The following SHC4 variants were observed in gnomAD, a reference collection of about 807,000 sequenced individuals.
SHC4 encodes SHC adaptor protein 4.
In SHC4, 41 loss-of-function variants were observed where a neutral mutation model predicts 69.4. The ratio of observed to expected loss-of-function variants is 0.59; its 90% CI spans 0.46 to 0.77. The LOEUF (loss-of-function observed/expected upper bound fraction) is 0.77, where lower values mean the gene tolerates loss of function less well. Among genes scored for constraint, SHC4 ranks in the 30% least tolerant of loss-of-function variants. The pLI is 0.00. For synonymous variants in SHC4, 318 were observed against 299.3 expected (o/e 1.06, Z -0.64); for missense variants, 777 against 783.8 (o/e 0.99, Z 0.10).
At chr15:48,959,056 TGAAGAACC>T (rs1048098344) in intron 1 of SHC4, among the ~76,000 whole-genome samples, 104 of 152,264 alleles carry the variant, frequency 6.8e-4, no homozygotes, top group African/African-American at 2.5e-3. Flanking sequence ...TAAGACCAAA[TGAAGAACC>T]ATTTTTTAAA....
rs79060088 is a variant in SHC4 at position 48,846,647 on chromosome 15, G to A, written c.1304-3059C>T. ...TCCCCCTTGAGACTGCAAATTCCTCGTGTCCTTGAGGAAAGACTAGAACGC... is the reference window on the plus strand; with the variant it reads ...TCCCCCTTGAGACTGCAAATTCCTCATGTCCTTGAGGAAAGACTAGAACGC... On this transcript the variant is annotated intron_variant, in intron 9 of 11. Coordinates refer to ENST00000332408, the MANE Select transcript of SHC4 (RefSeq NM_203349.4). Among the ~76,000 whole-genome samples, 1,121 of 152,210 alleles carry A rather than the reference G, an allele frequency of 7.4e-3. 17 individuals carry two copies. The highest frequency in any genetic ancestry group is 0.026 in the African/African-American group (1,073 of 41,516).
intron 1 of SHC4, among the ~76,000 whole-genome samples, chr15:48,935,034 A>T (rs778385351): frequency 1.1e-4 from 16 of 152,126 alleles, no homozygotes; most frequent in Non-Finnish European, 1.9e-4. Flanking sequence ...ATATTAAAAA[A>T]CCATTGAATT....
intron 1 of SHC4, among the ~76,000 whole-genome samples, chr15:48,933,820 G>T (rs1901017034): frequency 6.6e-6 from 1 of 152,092 alleles, no homozygotes; most frequent in Non-Finnish European, 1.5e-5. Flanking sequence ...ATTGAATTTT[G>T]ACAAAGGTGA....
intron 1 of SHC4, among the ~76,000 whole-genome samples, chr15:48,953,780 G>C (rs561013888): frequency 7.7e-4 from 118 of 152,322 alleles, no homozygotes; most frequent in South Asian, 2.5e-3. Flanking sequence ...GGTTAAGGTA[G>C]AATCTGTCCT....
rs1188244542 is a variant in SHC4, at chr15:48,951,199, CCTTGA to C, written c.585+11227_585+11231del. On this transcript the variant is annotated intron_variant, in intron 1 of 11. Coordinates refer to ENST00000332408, the MANE Select transcript of SHC4 (RefSeq NM_203349.4). ...TTCCACCTGGATGCTTTCGGGGTCA[CCTTGA>C]ACACAGCAGGTGTACAATGGGACTC... Among the ~76,000 whole-genome samples the C allele has an allele frequency of 2.6e-5, 4 of 152,086 alleles. No individual in the cohort carries two copies. The East Asian group carries it at 7.7e-4, about 29-fold the overall frequency.
At chr15:48,915,551 G>A (rs1227017102) in intron 2 of SHC4, among the ~76,000 whole-genome samples, 2 of 152,184 alleles carry the variant, frequency 1.3e-5, no homozygotes, top group Admixed American at 1.3e-4. Context: ...CTGCACGTGT[G>A]TGAAAGGAAA....
chr15:48,889,472 T>C (rs1404090123), intron 3 of SHC4, among the ~76,000 whole-genome samples: 1 of 152,210 alleles, frequency 6.6e-6, no homozygotes, highest in African/African-American at 2.4e-5. Flanking sequence ...TCCTAGTGAC[T>C]CAGGCAAATA....
chr15:48,921,078 G>A (rs530010606), intron 2 of SHC4, among the ~76,000 whole-genome samples: 3 of 152,282 alleles, frequency 2.0e-5, no homozygotes, highest in South Asian at 2.1e-4. Flanking sequence ...ACTGATGGAT[G>A]AATAGACAAA....
At chr15:48,894,864 C>G (rs769219728) in intron 2 of SHC4, among the ~76,000 whole-genome samples, 1 of 152,110 alleles carries the variant, frequency 6.6e-6, no homozygotes, top group Non-Finnish European at 1.5e-5. Flanking sequence ...TAGCTCAATG[C>G]AGCCTCAACC....
chr15:48,921,712 G>T (rs552342508), intron 2 of SHC4, among the ~76,000 whole-genome samples: 1 of 152,322 alleles, frequency 6.6e-6, no homozygotes, highest in East Asian at 1.9e-4. Flanking sequence ...TCTGCAGATG[G>T]ATGGTGACGA....
intron 9 of SHC4, among the ~76,000 whole-genome samples, chr15:48,847,022 C>CT (rs373671986): frequency 0.015 from 2,156 of 145,350 alleles, 33 homozygotes; most frequent in Middle Eastern, 0.029. Flanking sequence ...CTGCCATCCC[C>CT]TTTTTTTTTT....
intron 4 of SHC4, among the ~76,000 whole-genome samples, 171 bp from the exon 5 acceptor site, chr15:48,872,313 G>A (rs1473587809): frequency 6.6e-6 from 1 of 152,194 alleles, no homozygotes; most frequent in Non-Finnish European, 1.5e-5. Flanking sequence ...ACGAGATTCT[G>A]ATGATTTTGT....
intron 2 of SHC4, among the ~76,000 whole-genome samples, chr15:48,897,322 G>T (rs969172929): frequency 5.3e-5 from 8 of 152,152 alleles, no homozygotes; most frequent in Admixed American, 2.6e-4. Context: ...TTGCTTTTAA[G>T]CATATAAAAC....
intron 8 of SHC4, among the ~76,000 whole-genome samples, chr15:48,853,849 C>G (rs149326856): frequency 6.6e-6 from 1 of 151,958 alleles, no homozygotes; most frequent in African/African-American, 2.4e-5. Context: ...AATATATAAA[C>G]GTTAAGACCT....
At chr15:48,905,146 C>A (rs967939428) in intron 2 of SHC4, among the ~76,000 whole-genome samples, 6 of 152,186 alleles carry the variant, frequency 3.9e-5, no homozygotes, top group Non-Finnish European at 7.3e-5. Flanking sequence ...AAGTTCAAGA[C>A]CTCCAGGATC....
intron 2 of SHC4, among the ~76,000 whole-genome samples, chr15:48,896,042 C>T (rs1180123039): frequency 1.3e-5 from 2 of 152,160 alleles, no homozygotes; most frequent in Non-Finnish European, 2.9e-5. Context: ...GAGTTAGGAT[C>T]ACATTACTGC....
At chr15:48,889,849 C>CA (rs1197452749) in intron 3 of SHC4, among the ~76,000 whole-genome samples, 1 of 152,004 alleles carries the variant, frequency 6.6e-6, no homozygotes, top group Non-Finnish European at 1.5e-5. Flanking sequence ...GTCTCAAAAA[C>CA]AAAAAACAAA....
chr15:48,902,548 T>C (rs1341140354), intron 2 of SHC4, among the ~76,000 whole-genome samples: 6 of 152,168 alleles, frequency 3.9e-5, no homozygotes, highest in African/African-American at 1.2e-4. Flanking sequence ...ATTCCTCCAG[T>C]TGCTGGGATG....
At chr15:48,903,250 T>C (rs769410681) in intron 2 of SHC4, among the ~76,000 whole-genome samples, 9 of 152,320 alleles carry the variant, frequency 5.9e-5, no homozygotes, top group Admixed American at 4.6e-4. Context: ...TAAATCTGCC[T>C]GGCAGGTAGA....
Sources: allele counts gnomAD v4.1 joint callset (sites outside exome capture counted in the v4.1 genomes callset), GRCh38; gene constraint gnomAD v4.1.1; transcripts MANE v1.5; gene names NCBI Gene and HGNC (gene_info 2026-07-23, HGNC 2026-07-21).